CNOT4: variants seen among roughly 807,000 people sequenced by gnomAD.
CNOT4 encodes CCR4-NOT transcription complex subunit 4.
Under a neutral mutation model 73.8 loss-of-function variants are expected in CNOT4, and 8 were observed. The observed-to-expected ratio is 0.11, with a 90% CI of 0.06 to 0.20. CNOT4 has a LOEUF of 0.20. Ranked by LOEUF, CNOT4 falls within the 10% of genes least tolerant of loss-of-function variation. The probability of loss-of-function intolerance (pLI) is 1.00; values close to 1 mark genes in which losing one functional copy is unlikely to be tolerated. For missense variants in CNOT4, 564 were observed against 883.4 expected (o/e 0.64, Z 4.58); for synonymous variants, 293 against 321.1 (o/e 0.91, Z 0.94).
At chr7:135,375,662 C>T (rs1050882707) in intron 10 of CNOT4, among the ~76,000 whole-genome samples, 1 of 152,114 alleles carries the variant, frequency 6.6e-6, no homozygotes, top group Non-Finnish European at 1.5e-5. Context: ...CGGTGGCTCA[C>T]GCCTGTAATC....
chr7:135,418,020 T>C (rs1273828662), intron 3 of CNOT4, among the ~76,000 whole-genome samples: 1 of 152,228 alleles, frequency 6.6e-6, no homozygotes, highest in Non-Finnish European at 1.5e-5. Context: ...ACTACTTGTT[T>C]ATCAGTATAT....
intron 1 of CNOT4, among the ~76,000 whole-genome samples, chr7:135,455,883 A>T (rs1800496238): frequency 6.6e-6 from 1 of 152,202 alleles, no homozygotes; most frequent in East Asian, 1.9e-4. Flanking sequence ...CAAACAAACA[A>T]AAAAGACTAA....
chr7:135,380,266 TTTTCC>T (rs1795771933), intron 10 of CNOT4, among the ~76,000 whole-genome samples: 1 of 152,214 alleles, frequency 6.6e-6, no homozygotes, highest in South Asian at 2.1e-4. Context: ...CTATAAGTTT[TTTTCC>T]ATTTTGTAAT....
chr7:135,441,226 C>A (rs1172255329), intron 1 of CNOT4, among the ~76,000 whole-genome samples: 2 of 1,024 alleles, frequency 2.0e-3, no homozygotes, highest in Non-Finnish European at 5.0e-3. Flanking sequence ...TCCATATTAT[C>A]TAAATGCTGC....
Position 135,495,738 on chromosome 7 carries a change from G to C in CNOT4, c.-93+14151C>G, listed in dbSNP as rs140651392. Among the ~76,000 whole-genome samples, 246 of 98,706 alleles carry C rather than the reference G, an allele frequency of 2.5e-3. 10 individuals carry two copies. In the East Asian group the frequency reaches 0.053, roughly 21 times the overall value. 64.8% of individuals were successfully genotyped at this position (98,706 alleles called of 152,430 possible). A position where few individuals can be genotyped will look rare whatever the true frequency, so the allele number is the denominator to read the frequency against. ...AGAAAGAAAGAAAGAAAGAAAGAAA[G>C]AAAGAAAGAAAGAAAGAAAGAAAGA... is the stretch of plus-strand genomic sequence containing the variant. On this transcript the variant is annotated intron_variant, in intron 1 of 11. Transcript: ENST00000541284.
At chr7:135,423,651 G>A (rs1333031164) in intron 2 of CNOT4, among the ~76,000 whole-genome samples, 3 of 151,898 alleles carry the variant, frequency 2.0e-5, no homozygotes. Context: ...GCTTTTTAAG[G>A]AAACTTAATA....
rs189918662 is a variant in CNOT4, at chr7:135,367,571, C to A, written c.1628-3505G>T. Among the ~76,000 whole-genome samples the A allele has an allele frequency of 2.0e-5, 3 of 152,298 alleles. No individual in the cohort carries two copies. The East Asian group carries it at 5.8e-4, about 29-fold the overall frequency. On this transcript the variant is annotated intron_variant, in intron 10 of 11. Transcript: ENST00000541284. ...ACATTACTTGCTAAATGCCTAATAACAAATGCTCCACTGGTGGTCAATACC... is the reference window on the plus strand; with the variant it reads ...ACATTACTTGCTAAATGCCTAATAAAAAATGCTCCACTGGTGGTCAATACC...
At chr7:135,407,988 A>C (rs1355587766) in intron 7 of CNOT4, among the ~76,000 whole-genome samples, 1 of 152,202 alleles carries the variant, frequency 6.6e-6, no homozygotes, top group Non-Finnish European at 1.5e-5. Flanking sequence ...CTCACAGTGC[A>C]TAAAAAGTTC....
chr7:135,429,637 A>G (rs1404499628), intron 2 of CNOT4, among the ~76,000 whole-genome samples: 1 of 152,240 alleles, frequency 6.6e-6, no homozygotes, highest in Non-Finnish European at 1.5e-5. Flanking sequence ...TTACATTATT[A>G]TAAAATGCAA....
In CNOT4 at chr7:135,492,204, T is replaced by C. The variant is rs145867736; in HGVS notation, c.-93+17685A>G. Among the ~76,000 whole-genome samples, 7 of 152,150 alleles carry C rather than the reference T, an allele frequency of 4.6e-5. No homozygotes were observed. In the East Asian group the frequency reaches 9.7e-4, roughly 21 times the overall value. Reference sequence around the variant, plus strand: ...AATGGACTAAGAAAATAGAGTACAATTGCCAGACAATATTCAGGGCAAGAA... The same window carrying C: ...AATGGACTAAGAAAATAGAGTACAACTGCCAGACAATATTCAGGGCAAGAA... On this transcript the variant is annotated intron_variant, in intron 1 of 11. Transcript: ENST00000541284.
chr7:135,445,522 A>G (rs527764391), intron 1 of CNOT4, among the ~76,000 whole-genome samples: 4 of 152,212 alleles, frequency 2.6e-5, no homozygotes, highest in Non-Finnish European at 2.9e-5. Context: ...AATATAGAGA[A>G]GTTCCATTTA....
chr7:135,382,179 G>T (rs530565070), intron 10 of CNOT4, among the ~76,000 whole-genome samples: 1 of 152,202 alleles, frequency 6.6e-6, no homozygotes, highest in South Asian at 2.1e-4. Flanking sequence ...ACCTAAACTC[G>T]ATTTCTCTAT....
intron 1 of CNOT4, among the ~76,000 whole-genome samples, chr7:135,456,012 T>C (rs1027992533): frequency 6.6e-6 from 1 of 152,188 alleles, no homozygotes; most frequent in African/African-American, 2.4e-5. Context: ...AAATGTAACA[T>C]TGACGAAAAC....
chr7:135,410,202 C>T (rs1228506483), intron 7 of CNOT4, among the ~76,000 whole-genome samples: 2 of 152,082 alleles, frequency 1.3e-5, no homozygotes, highest in Non-Finnish European at 2.9e-5. Context: ...ATTAGGTAAT[C>T]AGAGCCTTTT....
rs948552731 is a variant in CNOT4 at position 135,510,061 on chromosome 7, A to G, written c.-265T>C. 5.0e-6 allele frequency: 2 copies of G among 399,104 alleles called. No homozygotes were observed. The highest frequency in any genetic ancestry group is 4.1e-5 in the African/African-American group (2 of 48,750). The allele number at this position is 399,104 out of a possible 1,614,324, so 24.7% of individuals were successfully genotyped here. A position where few individuals can be genotyped will look rare whatever the true frequency, so the allele number is the denominator to read the frequency against. On this transcript the variant is annotated 5_prime_UTR_variant, in exon 1 of 12. Transcript: ENST00000541284. ...ACTCTCAGCTTTCGGTGGGTTCCAC[A>G]GCCAGACGGGCCACCATCTTACATT...
chr7:135,469,786 GT>G (rs770090740), intron 1 of CNOT4, among the ~76,000 whole-genome samples: 2 of 151,942 alleles, frequency 1.3e-5, no homozygotes, highest in Non-Finnish European at 2.9e-5. Flanking sequence ...TTCATGAGCA[GT>G]TTTTTGTTGT....
chr7:135,400,375 A>T (rs557684338), intron 7 of CNOT4, among the ~76,000 whole-genome samples: 23 of 152,216 alleles, frequency 1.5e-4, no homozygotes, highest in African/African-American at 5.1e-4. Flanking sequence ...AACTTGCACT[A>T]TACTTAATAC....
At chr7:135,442,757 A>G (rs1799563677) in intron 1 of CNOT4, among the ~76,000 whole-genome samples, 1 of 151,948 alleles carries the variant, frequency 6.6e-6, no homozygotes, top group South Asian at 2.1e-4. Flanking sequence ...TTTGGCAGGG[A>G]AAAAAAATAT....
rs182834534 is a variant in CNOT4 at position 135,463,952 on chromosome 7, T to C, written c.-92-25529A>G. Among the ~76,000 whole-genome samples the C allele has an allele frequency of 6.0e-5, 8 of 132,562 alleles. No homozygotes were observed. In the East Asian group the frequency reaches 1.8e-3, roughly 31 times the overall value. 87.0% of individuals were successfully genotyped at this position (132,562 alleles called of 152,430 possible). A position where few individuals can be genotyped will look rare whatever the true frequency, so the allele number is the denominator to read the frequency against. On this transcript the variant is annotated intron_variant, in intron 1 of 11. Transcript: ENST00000541284. ...AAAAAACCCTCAATATCATTGATCA[T>C]TAGAGAAATGCAAATCAAAACCACA...
Sources: gnomAD v4.1 joint callset for allele counts (sites outside exome capture counted in the v4.1 genomes callset) on GRCh38, gnomAD v4.1.1 for gene constraint, MANE v1.5 for transcripts, NCBI Gene and HGNC (gene_info 2026-07-23, HGNC 2026-07-21) for gene names.